CUX2: variants seen among roughly 807,000 people sequenced by gnomAD.
The protein encoded by CUX2 is cut like homeobox 2.
CUX2 carries 40 observed loss-of-function variants against 144.8 expected under a neutral mutation model. That is an observed-to-expected ratio of 0.28 (90% CI 0.21 to 0.36). CUX2 has a LOEUF of 0.36. Ranked by LOEUF, CUX2 falls within the 10% of genes least tolerant of loss-of-function variation. The probability of loss-of-function intolerance (pLI) is 1.00; values close to 1 mark genes in which losing one functional copy is unlikely to be tolerated. For missense variants in CUX2, 1,615 were observed against 1,994.0 expected (o/e 0.81, Z 3.62); for synonymous variants, 827 against 875.6 (o/e 0.94, Z 0.98).
At chr12:111,155,833 A>G (rs916620992) in intron 1 of CUX2, among the ~76,000 whole-genome samples, 9 of 152,344 alleles carry the variant, frequency 5.9e-5, no homozygotes, top group Admixed American at 6.5e-5. Flanking sequence ...TTTCTCTAAT[A>G]TGATATAAAA....
chr12:111,078,026 G>A (rs906600929), intron 1 of CUX2, among the ~76,000 whole-genome samples: 7 of 152,220 alleles, frequency 4.6e-5, no homozygotes, highest in African/African-American at 7.2e-5. Flanking sequence ...GGTACCTGGG[G>A]TTTCTGTCCC....
chr12:111,276,091 G>A (rs1447931418), intron 4 of CUX2, among the ~76,000 whole-genome samples: 2 of 152,294 alleles, frequency 1.3e-5, no homozygotes, highest in African/African-American at 4.8e-5. Flanking sequence ...ACTAGCTCAT[G>A]CCTGTAATCA....
chr12:111,204,994 C>G (rs1005807756), intron 1 of CUX2, among the ~76,000 whole-genome samples: 2 of 152,178 alleles, frequency 1.3e-5, no homozygotes, highest in African/African-American at 4.8e-5. Flanking sequence ...TAGGCACCAC[C>G]CCTTGCCCTG....
intron 21 of CUX2, among the ~76,000 whole-genome samples, chr12:111,346,486 AAAAAG>A (rs1400453796): frequency 2.6e-5 from 4 of 151,848 alleles, no homozygotes; most frequent in East Asian, 3.9e-4. Flanking sequence ...AAAAAAAAAA[AAAAAG>A]AAAAGAAAAC....
rs551140079 is a variant in CUX2 at position 111,138,118 on chromosome 12, C to T, written c.64-76082C>T. The stretch of plus-strand genomic sequence containing the variant: ...TTTACCCCTCCCACAGAGGATCTGC[C>T]ACTGCCAGGCTGGCCGAGGGGAGGG... On this transcript the variant is annotated intron_variant, in intron 1 of 21. Transcript: ENST00000261726. Among the ~76,000 whole-genome samples, 4 of 152,322 alleles carry T rather than the reference C, an allele frequency of 2.6e-5. No homozygotes were observed. The East Asian group carries it at 7.7e-4, about 29-fold the overall frequency.
In CUX2 at chr12:111,059,434, A is replaced by G. The variant is rs748719954; in HGVS notation, c.63+25194A>G. Among the ~76,000 whole-genome samples, 64 of 152,022 alleles carry G rather than the reference A, an allele frequency of 4.2e-4. No homozygotes were observed. The highest frequency in any genetic ancestry group is 6.9e-4 in the Non-Finnish European group (47 of 67,988). Reference sequence around the variant, plus strand: ...CTTCTTGGCAGAGATAGCCAGGCCAACTCCCAGTGAGGGGAGCAGGACTAC... The same window carrying G: ...CTTCTTGGCAGAGATAGCCAGGCCAGCTCCCAGTGAGGGGAGCAGGACTAC... On this transcript the variant is annotated intron_variant, in intron 1 of 21. Coordinates refer to ENST00000261726, the MANE Select transcript of CUX2 (RefSeq NM_015267.4). This position sits in a 1 kb window ranked among gnomAD's most constrained non-coding sequence, Gnocchi z 5.3.
rs1190597029 is a variant in CUX2 at position 111,246,421 on chromosome 12, C to T, written c.223-17340C>T. On this transcript the variant is annotated intron_variant, in intron 3 of 21. Transcript: ENST00000261726. This position sits in a 1 kb window ranked among gnomAD's most constrained non-coding sequence, Gnocchi z 4.0. ...CTTAATACATATAAAGCACTTAAAA[C>T]GGTGCCCAGCACACTGGCCACCCTC... Among the ~76,000 whole-genome samples, 2 of 152,146 alleles carry T rather than the reference C, an allele frequency of 1.3e-5. No individual in the cohort carries two copies. Among genetic ancestry groups the T allele is most frequent in the Non-Finnish European group, 2.9e-5 (2 of 68,030 alleles).
rs34006489 is a variant in CUX2 at position 111,207,778 on chromosome 12, T to TA, written c.64-6414dup. The stretch of plus-strand genomic sequence containing the variant: ...ACTTCTGTGTAAATGTTCTAGGGCT[T>TA]AAAAAAAATCTGGTAGCAAATATCA... On this transcript the variant is annotated intron_variant, in intron 1 of 21. Coordinates refer to ENST00000261726, the MANE Select transcript of CUX2 (RefSeq NM_015267.4). 3.8e-4 allele frequency among the ~76,000 whole-genome samples: 58 copies of TA among 152,052 alleles called. No individual in the cohort carries two copies. The East Asian group carries it at 0.01, about 26-fold the overall frequency.
At chr12:111,333,713 T>C (rs1266346837) in intron 18 of CUX2, among the ~76,000 whole-genome samples, 1 of 148,924 alleles carries the variant, frequency 6.7e-6, no homozygotes, top group Non-Finnish European at 1.5e-5. Context: ...GATCATTGGT[T>C]AAGATGGTAT....
At chr12:111,113,497 T>C (rs1030526577) in intron 1 of CUX2, among the ~76,000 whole-genome samples, 1 of 152,132 alleles carries the variant, frequency 6.6e-6, no homozygotes, top group African/African-American at 2.4e-5. Context: ...CCAAATGTCA[T>C]GTAAATGGGA....
At chr12:111,214,128 A>T in intron 1 of CUX2, 72 bp from the exon 2 acceptor site, 1 of 1,010,132 alleles carries the variant, frequency 9.9e-7, no homozygotes, top group Non-Finnish European at 1.4e-6. Context: ...TACAGTGGTT[A>T]AAAAGGAAAA....
intron 1 of CUX2, among the ~76,000 whole-genome samples, chr12:111,203,643 G>A (rs913736442): frequency 5.9e-5 from 9 of 152,038 alleles, no homozygotes; most frequent in Admixed American, 4.6e-4. Flanking sequence ...AGCCCAACAC[G>A]AATCATATGG....
chr12:111,320,475 C>G lies in CUX2; in HGVS notation c.2466C>G (p.Arg822=). 1 of 1,589,298 alleles carries G rather than the reference C, an allele frequency of 6.3e-7. No individual in the cohort carries two copies. Among genetic ancestry groups the G allele is most frequent in the Non-Finnish European group, 8.5e-7 (1 of 1,172,492 alleles). The stretch of plus-strand genomic sequence containing the variant: ...GCTACTCTGGCCAGCCCAACGGCCG[C>G]GCCTGGCCCCGCGGGGACGAGGCCC... The part of the protein sequence containing the change: ...SSGYSGQPNG[R]AWPRGDEAPV... Residue 822 remains arginine (R), a synonymous_variant, in exon 17 of 22, where the codon CGC becomes CGG. Coordinates refer to ENST00000261726, the MANE Select transcript of CUX2 (RefSeq NM_015267.4). This position sits in a 1 kb window ranked among gnomAD's most constrained non-coding sequence, Gnocchi z 8.1.
At chr12:111,278,796 G>A (rs1479591171) in intron 4 of CUX2, among the ~76,000 whole-genome samples, 1 of 152,128 alleles carries the variant, frequency 6.6e-6, no homozygotes, top group Non-Finnish European at 1.5e-5. Context: ...GTGACATTTA[G>A]CTGATGCATC....
intron 1 of CUX2, among the ~76,000 whole-genome samples, chr12:111,088,861 G>A (rs576771715): frequency 1.3e-5 from 2 of 152,172 alleles, no homozygotes; most frequent in East Asian, 1.9e-4. Flanking sequence ...GGGTGCCATG[G>A]TACCCCCGTC....
At chr12:111,170,164 G>C (rs1316163105) in intron 1 of CUX2, among the ~76,000 whole-genome samples, 1 of 152,206 alleles carries the variant, frequency 6.6e-6, no homozygotes, top group Non-Finnish European at 1.5e-5. Flanking sequence ...AACTGGCCAG[G>C]CGTGGTGGCT....
Position 111,280,184 on chromosome 12 carries a change from G to A in CUX2, c.302-11234G>A, listed in dbSNP as rs532672802. On this transcript the variant is annotated intron_variant, in intron 4 of 21. Transcript: ENST00000261726. Reference sequence around the variant, plus strand: ...TACGCCTGTAATCTCAGCTACTTGGGAGTCTGAGGCAGGAGAATCGCTTGA... The same window carrying A: ...TACGCCTGTAATCTCAGCTACTTGGAAGTCTGAGGCAGGAGAATCGCTTGA... Among the ~76,000 whole-genome samples the A allele has an allele frequency of 3.3e-5, 5 of 152,218 alleles. No homozygotes were observed. In the South Asian group the frequency reaches 8.3e-4, roughly 25 times the overall value.
chr12:111,237,681 C>G (rs924313201), intron 3 of CUX2, among the ~76,000 whole-genome samples: 2 of 152,332 alleles, frequency 1.3e-5, no homozygotes, highest in Non-Finnish European at 1.5e-5. Context: ...GAATGAAACC[C>G]AGACCTCCGG....
intron 1 of CUX2, among the ~76,000 whole-genome samples, chr12:111,123,818 G>A (rs745524919): frequency 4.6e-5 from 7 of 152,208 alleles, no homozygotes; most frequent in Non-Finnish European, 8.8e-5. Context: ...TTACAGGCGT[G>A]AGCCACCGCG....
Sources: gnomAD v4.1 joint callset for allele counts (sites outside exome capture counted in the v4.1 genomes callset) on GRCh38, gnomAD v4.1.1 for gene constraint, Gnocchi (gnomAD v3.1) non-coding constraint, MANE v1.5 for transcripts, NCBI Gene and HGNC (gene_info 2026-07-23, HGNC 2026-07-21) for gene names.